SAMD12: variants seen among roughly 807,000 people sequenced by gnomAD.
SAMD12 encodes sterile alpha motif domain containing 12.
In SAMD12, 9 loss-of-function variants were observed where a neutral mutation model predicts 15.0. That is an observed-to-expected ratio of 0.60 (90% CI 0.36 to 1.05). SAMD12 has a LOEUF of 1.05. Ranked by LOEUF, SAMD12 falls within the 50% of genes least tolerant of loss-of-function variation. The probability of loss-of-function intolerance (pLI) is 0.01; values close to 1 mark genes in which losing one functional copy is unlikely to be tolerated. For missense variants in SAMD12, 230 were observed against 234.2 expected (o/e 0.98, Z 0.12); for synonymous variants, 86 against 90.1 (o/e 0.96, Z 0.25).
intron 2 of SAMD12, among the ~76,000 whole-genome samples, chr8:118,451,962 C>T (rs1310112128): frequency 3.9e-5 from 6 of 152,050 alleles, no homozygotes; most frequent in Non-Finnish European, 8.8e-5. Flanking sequence ...GCCCTAAGTC[C>T]CAACTTGTAT....
chr8:118,434,637 C>A (rs1448957370), intron 3 of SAMD12, among the ~76,000 whole-genome samples: 1 of 152,182 alleles, frequency 6.6e-6, no homozygotes, highest in Non-Finnish European at 1.5e-5. Context: ...TTACACCTGG[C>A]CCCAGAAGAG....
At chr8:118,606,582 A>AAAAAG (rs1240960252) in intron 1 of SAMD12, among the ~76,000 whole-genome samples, 2 of 151,452 alleles carry the variant, frequency 1.3e-5, no homozygotes, top group South Asian at 2.1e-4. Context: ...AATTTAAAAA[A>AAAAAG]AAAAGAAAAG....
the SAMD12 span, among the ~76,000 whole-genome samples, chr8:118,148,074 T>C: frequency 1.3e-5 from 2 of 151,608 alleles, no homozygotes; most frequent in South Asian, 4.2e-4. Flanking sequence ...ATTACAGGCA[T>C]GCACCACCAT....
At chr8:118,213,533 A>T (rs1390623903) in intron 4 of SAMD12, among the ~76,000 whole-genome samples, 1 of 152,200 alleles carries the variant, frequency 6.6e-6, no homozygotes, top group Non-Finnish European at 1.5e-5. Flanking sequence ...CCCCAATGAT[A>T]GTATGTATGG....
intron 1 of SAMD12, among the ~76,000 whole-genome samples, chr8:118,615,137 G>C (rs1174109593): frequency 6.6e-6 from 1 of 152,104 alleles, no homozygotes; most frequent in African/African-American, 2.4e-5. Context: ...ACATCCCTGG[G>C]ACATGGGGGA....
chr8:118,524,413 G>A (rs918225554), intron 2 of SAMD12, among the ~76,000 whole-genome samples: 1 of 152,008 alleles, frequency 6.6e-6, no homozygotes, highest in Non-Finnish European at 1.5e-5. Context: ...CTCCTTCTCT[G>A]ACTCCTTACT....
chr8:118,321,916 A>G (rs1332294919), intron 4 of SAMD12, among the ~76,000 whole-genome samples: 1 of 152,050 alleles, frequency 6.6e-6, no homozygotes, highest in South Asian at 2.1e-4. Flanking sequence ...AACACTTTCT[A>G]CTCACTCAAT....
intron 2 of SAMD12, among the ~76,000 whole-genome samples, chr8:118,458,545 G>T (rs1167129445): frequency 1.3e-5 from 2 of 152,110 alleles, no homozygotes. Flanking sequence ...ACATTTTTCT[G>T]ATGCTTTAAA....
At chr8:118,416,657 C>T (rs947553518) in intron 3 of SAMD12, among the ~76,000 whole-genome samples, 30 of 152,186 alleles carry the variant, frequency 2.0e-4, no homozygotes, top group Middle Eastern at 3.2e-3. Context: ...GTATTACTCA[C>T]GATAACCAGC....
At chr8:118,284,500 C>T (rs1381163368) in intron 4 of SAMD12, 3 of 363,682 alleles carry the variant, frequency 8.2e-6, no homozygotes, top group Non-Finnish European at 1.6e-5. Context: ...GTCCCTCTTA[C>T]TCTTTCCATC....
At chr8:118,246,396 A>G (rs922856681) in intron 4 of SAMD12, among the ~76,000 whole-genome samples, 3 of 152,146 alleles carry the variant, frequency 2.0e-5, no homozygotes, top group Non-Finnish European at 4.4e-5. Flanking sequence ...TTTCATCAAG[A>G]TATCAGTGAA....
chr8:118,576,594 C>G (rs1273338841), intron 2 of SAMD12, among the ~76,000 whole-genome samples: 4 of 152,164 alleles, frequency 2.6e-5, no homozygotes, highest in African/African-American at 9.7e-5. Flanking sequence ...TGCTAGAGTA[C>G]CCTCCCTTGC....
intron 3 of SAMD12, among the ~76,000 whole-genome samples, chr8:118,393,337 G>C (rs142143295): frequency 2.0e-5 from 3 of 152,042 alleles, no homozygotes; most frequent in Non-Finnish European, 4.4e-5. Flanking sequence ...AACTATAGGT[G>C]CACACCACCA....
intron 2 of SAMD12, among the ~76,000 whole-genome samples, chr8:118,442,332 G>A (rs559158349): frequency 6.6e-6 from 1 of 152,148 alleles, no homozygotes; most frequent in African/African-American, 2.4e-5. Flanking sequence ...TATTTAATCA[G>A]CAGTGACTTT....
At chr8:118,209,942 A>G (rs569176190) in intron 4 of SAMD12, among the ~76,000 whole-genome samples, 10 of 152,282 alleles carry the variant, frequency 6.6e-5, no homozygotes, top group African/African-American at 2.4e-4. Flanking sequence ...TCCTGGGATC[A>G]CCTCTCAGCC....
chr8:118,490,029 G>A (rs910232083), intron 2 of SAMD12, among the ~76,000 whole-genome samples: 1 of 152,122 alleles, frequency 6.6e-6, no homozygotes, highest in Non-Finnish European at 1.5e-5. Flanking sequence ...CACAGCCCCT[G>A]TCTATAGAAA....
intron 3 of SAMD12, among the ~76,000 whole-genome samples, chr8:118,403,519 T>A (rs1820972588): frequency 6.6e-6 from 1 of 152,022 alleles, no homozygotes; most frequent in South Asian, 2.1e-4. Flanking sequence ...ATAAAAAAAA[T>A]TATAGTAGTA....
chr8:118,521,269 C>T (rs1374610938), intron 2 of SAMD12, among the ~76,000 whole-genome samples: 1 of 152,148 alleles, frequency 6.6e-6, no homozygotes, highest in Admixed American at 6.6e-5. Context: ...TCCCTTGATC[C>T]TCCCTTTAAG....
intron 1 of SAMD12, among the ~76,000 whole-genome samples, chr8:118,583,763 C>T (rs560822950): frequency 6.6e-6 from 1 of 152,298 alleles, no homozygotes; most frequent in South Asian, 2.1e-4. Flanking sequence ...GAGTCTCTGG[C>T]TACCACAGCA....
Sources: allele counts gnomAD v4.1 joint callset (sites outside exome capture counted in the v4.1 genomes callset), GRCh38; gene constraint gnomAD v4.1.1; transcripts MANE v1.5; gene names NCBI Gene and HGNC (gene_info 2026-07-23, HGNC 2026-07-21).